The following NCALD variants were observed in gnomAD, a reference collection of about 807,000 sequenced individuals.
NCALD encodes the protein neurocalcin-delta.
NCALD carries 10 observed loss-of-function variants against 18.6 expected under a neutral mutation model. The ratio of observed to expected loss-of-function variants is 0.54; its 90% CI spans 0.33 to 0.91. The LOEUF (loss-of-function observed/expected upper bound fraction) is 0.91, where lower values mean the gene tolerates loss of function less well. NCALD is among the 40% of genes least tolerant of loss of function. The pLI is 0.03. For synonymous variants in NCALD, 88 were observed against 87.4 expected, an observed-to-expected ratio of 1.01 and a Z score of -0.04; for missense variants, 184 against 247.6, an observed-to-expected ratio of 0.74 and a Z score of 1.72.
At chr8:102,067,730 G>A (rs1178469548) in intron 1 of NCALD, among the ~76,000 whole-genome samples, 1 of 152,136 alleles carries the variant, frequency 6.6e-6, no homozygotes, top group African/African-American at 2.4e-5. Flanking sequence ...TATTATTGCA[G>A]TAACACACCT....
chr8:101,755,423 C>T (rs1810835649), intron 1 of NCALD, among the ~76,000 whole-genome samples: 2 of 152,166 alleles, frequency 1.3e-5, no homozygotes, highest in South Asian at 2.1e-4. Flanking sequence ...ACGCCCAGCA[C>T]AGCTGTCTTT....
chr8:101,745,578 T>A (rs1209911320), intron 1 of NCALD, among the ~76,000 whole-genome samples: 1 of 152,194 alleles, frequency 6.6e-6, no homozygotes, highest in East Asian at 1.9e-4. Flanking sequence ...GGGAAAAGAC[T>A]TAATTACAAA....
In NCALD at chr8:101,753,182, G is replaced by A. The variant is rs1051300887; in HGVS notation, c.-19-33534C>T. 6.6e-5 allele frequency among the ~76,000 whole-genome samples: 10 copies of A among 152,200 alleles called. No individual in the cohort carries two copies. In the South Asian group the frequency reaches 8.3e-4, roughly 13 times the overall value. ...AAAGAGGTGGTTGCATCCGAATTGA[G>A]TCTTGAGAATCTTAAAGTTAAGAAA... On this transcript the variant is annotated intron_variant, in intron 1 of 3. Coordinates refer to ENST00000220931, the MANE Select transcript of NCALD (RefSeq NM_032041.3).
chr8:101,896,830 CA>C (rs1157455617), intron 3 of NCALD, among the ~76,000 whole-genome samples: 31 of 111,252 alleles, frequency 2.8e-4, no homozygotes, highest in African/African-American at 1.5e-3. Flanking sequence ...CATCTCACAC[CA>C]GTTAGAATGG....
At chr8:101,788,806 C>T (rs1220409044) in intron 1 of NCALD, 1 of 152,172 alleles carries the variant, frequency 6.6e-6, no homozygotes, top group Non-Finnish European at 1.5e-5. Context: ...TCTTTTGAAG[C>T]TGCAACAAAC....
chr8:101,942,261 G>A (rs961941608), intron 2 of NCALD, among the ~76,000 whole-genome samples: 3 of 152,164 alleles, frequency 2.0e-5, no homozygotes, highest in Non-Finnish European at 2.9e-5. Flanking sequence ...CCCGTCTGCT[G>A]CTGGCCTCTC....
At chr8:101,806,977 T>C (rs1474874555) in intron 4 of NCALD, among the ~76,000 whole-genome samples, 1 of 151,464 alleles carries the variant, frequency 6.6e-6, no homozygotes, top group African/African-American at 2.4e-5. Context: ...GCAGAAACAA[T>C]GGAGGCCAGA....
intron 1 of NCALD, among the ~76,000 whole-genome samples, chr8:102,123,287 C>T (rs1825995145): frequency 6.6e-6 from 1 of 152,168 alleles, no homozygotes; most frequent in Non-Finnish European, 1.5e-5. Flanking sequence ...CCCTACGGAA[C>T]AGAACATAGA....
At chr8:102,032,638 A>AAAAG (rs1194874570) in intron 1 of NCALD, among the ~76,000 whole-genome samples, 4 of 151,748 alleles carry the variant, frequency 2.6e-5, no homozygotes. Flanking sequence ...AAAAAAAAAA[A>AAAAG]AAAAGAGGAC....
At chr8:101,928,867 A>G (rs2131688322) in intron 2 of NCALD, among the ~76,000 whole-genome samples, 1 of 152,276 alleles carries the variant, frequency 6.6e-6, no homozygotes, top group Non-Finnish European at 1.5e-5. Context: ...CAACAGTATT[A>G]GATACAAAAA....
At chr8:102,051,966 A>T (rs1823473131) in intron 1 of NCALD, among the ~76,000 whole-genome samples, 1 of 152,262 alleles carries the variant, frequency 6.6e-6, no homozygotes, top group Admixed American at 6.5e-5. Context: ...TGGACAGAAG[A>T]ATGCACATTT....
chr8:101,796,977 GTCTC>G (rs897001220), intron 4 of NCALD, among the ~76,000 whole-genome samples: 7 of 152,170 alleles, frequency 4.6e-5, no homozygotes, highest in African/African-American at 1.7e-4. Context: ...GCAACCATTT[GTCTC>G]TCTCCTACCT....
intron 2 of NCALD, among the ~76,000 whole-genome samples, chr8:101,990,850 C>A (rs1322008434): frequency 6.6e-6 from 1 of 152,180 alleles, no homozygotes; most frequent in Non-Finnish European, 1.5e-5. Flanking sequence ...TAGCCCCCTG[C>A]CAACCACCTA....
At chr8:102,063,716 A>G (rs1823918285) in intron 1 of NCALD, among the ~76,000 whole-genome samples, 4 of 152,180 alleles carry the variant, frequency 2.6e-5, no homozygotes, top group African/African-American at 9.6e-5. Context: ...GGGAGGCCTG[A>G]GAAAGCAAGC....
rs541630601 is a variant in NCALD, at chr8:101,845,503, A to C, written c.-20+41638T>G. ...TCCCTATTGGTCCCATTGAAGCTCA[A>C]GGATTATACATTTCAAATACTCTTT... On this transcript the variant is annotated intron_variant, in intron 4 of 6. Coordinates refer to the NCALD transcript ENST00000311028. 2.6e-5 allele frequency among the ~76,000 whole-genome samples: 4 copies of C among 152,324 alleles called. No homozygotes were observed. The South Asian group carries it at 8.3e-4, about 32-fold the overall frequency.
At chr8:102,111,574 C>T (rs778013435) in intron 1 of NCALD, among the ~76,000 whole-genome samples, 1 of 151,984 alleles carries the variant, frequency 6.6e-6, no homozygotes, top group Non-Finnish European at 1.5e-5. Flanking sequence ...AGAGTGAGAG[C>T]CAAAGGAACC....
At chr8:101,989,528 C>T (rs2131977575) in intron 2 of NCALD, among the ~76,000 whole-genome samples, 1 of 152,272 alleles carries the variant, frequency 6.6e-6, no homozygotes, top group Admixed American at 6.5e-5. Flanking sequence ...TATAATGTGG[C>T]AACTTGGAAA....
chr8:101,803,326 C>G lies in NCALD; in HGVS notation c.-19-83678G>C, dbSNP rs111478782. Among the ~76,000 whole-genome samples, 872 of 152,282 alleles carry G rather than the reference C, an allele frequency of 5.7e-3. 11 individuals are homozygous for G. Among genetic ancestry groups the G allele is most frequent in the African/African-American group, 0.018 (766 of 41,540 alleles). Reference sequence around the variant, plus strand: ...ATGTTAAGCCCATTGTTGAGACCTACTGCTCAGAAAAAAAGATCCCTTTCA... The same window carrying G: ...ATGTTAAGCCCATTGTTGAGACCTAGTGCTCAGAAAAAAAGATCCCTTTCA... On this transcript the variant is annotated intron_variant, in intron 4 of 6. Coordinates refer to the NCALD transcript ENST00000311028.
At chr8:102,081,554 A>ACAGAAC (rs769039817) in intron 1 of NCALD, among the ~76,000 whole-genome samples, 1 of 115,354 alleles carries the variant, frequency 8.7e-6, no homozygotes, top group African/African-American at 3.0e-5. Flanking sequence ...GTAAAAAAAA[A>ACAGAAC]AAAAAAAAAA....
Sources: gnomAD v4.1 joint callset for allele counts (sites outside exome capture counted in the v4.1 genomes callset) on GRCh38, gnomAD v4.1.1 for gene constraint, MANE v1.5 for transcripts, NCBI Gene and HGNC (gene_info 2026-07-23, HGNC 2026-07-21) for gene names.